Variants in SNX24 observed in about 807,000 individuals in gnomAD.
The protein encoded by SNX24 is sorting nexin 24.
A neutral mutation model predicts 28.7 loss-of-function variants in SNX24; 22 were observed. That is an observed-to-expected ratio of 0.77 (90% CI 0.55 to 1.10). The LOEUF is 1.10. SNX24 is among the 50% of genes least tolerant of loss of function. The probability of loss-of-function intolerance (pLI) is 0.00; values close to 1 mark genes in which losing one functional copy is unlikely to be tolerated. For missense variants in SNX24, 221 were observed against 201.1 expected, an observed-to-expected ratio of 1.10 and a Z score of -0.60; for synonymous variants, 69 against 71.5, an observed-to-expected ratio of 0.96 and a Z score of 0.18.
At chr5:122,915,872 T>C (rs892176930) in intron 1 of SNX24, among the ~76,000 whole-genome samples, 2 of 152,248 alleles carry the variant, frequency 1.3e-5, no homozygotes, top group Non-Finnish European at 2.9e-5. Context: ...ACCTTTCCTC[T>C]TTGTTTTGTC....
intron 3 of SNX24, among the ~76,000 whole-genome samples, chr5:122,988,292 A>G (rs193120954): frequency 6.6e-6 from 1 of 152,334 alleles, no homozygotes; most frequent in Admixed American, 6.5e-5. Context: ...AACCATAGGC[A>G]GGGAGGAGAA....
intron 4 of SNX24, 150 bp from the exon 5 acceptor site, chr5:123,001,255 T>C: frequency 1.5e-6 from 1 of 653,190 alleles, no homozygotes; most frequent in Non-Finnish European, 2.7e-6. Flanking sequence ...GGCATAGCCA[T>C]GCTGTGGCTC....
intron 4 of SNX24, among the ~76,000 whole-genome samples, chr5:123,000,415 C>T (rs1762208036): frequency 6.6e-6 from 1 of 152,204 alleles, no homozygotes; most frequent in African/African-American, 2.4e-5. Flanking sequence ...TGATTTGATG[C>T]AACTCCTCTC....
At chr5:122,862,551 G>A (rs1294743772) in intron 1 of SNX24, among the ~76,000 whole-genome samples, 2 of 148,132 alleles carry the variant, frequency 1.4e-5, no homozygotes, top group Non-Finnish European at 3.0e-5. Flanking sequence ...GCAGTGAGCC[G>A]AGATTGCGCC....
intron 3 of SNX24, among the ~76,000 whole-genome samples, chr5:122,991,498 C>T (rs920503648): frequency 7.9e-5 from 12 of 152,084 alleles, no homozygotes; most frequent in African/African-American, 2.9e-4. Flanking sequence ...CTCGCTCTGT[C>T]GCCCAGGCTG....
intron 1 of SNX24, among the ~76,000 whole-genome samples, chr5:122,931,501 T>C (rs1758955792): frequency 6.6e-6 from 1 of 152,194 alleles, no homozygotes. Flanking sequence ...ACAACCTTTT[T>C]TATTATCTTG....
chr5:122,951,266 C>CAAAAAAA (rs1445925286), intron 3 of SNX24, among the ~76,000 whole-genome samples: 10 of 47,970 alleles, frequency 2.1e-4, no homozygotes, highest in Middle Eastern at 0.011. Flanking sequence ...GACTCTGTCT[C>CAAAAAAA]AAAAAAAAAA....
intron 6 of SNX24, among the ~76,000 whole-genome samples, chr5:123,003,626 A>AGATATTTT (rs1459391045): frequency 6.6e-6 from 1 of 152,222 alleles, no homozygotes; most frequent in Non-Finnish European, 1.5e-5. Flanking sequence ...AGAAGAGGGA[A>AGATATTTT]GATATTTTAT....
At chr5:122,903,412 G>A (rs1034606221) in intron 1 of SNX24, among the ~76,000 whole-genome samples, 5 of 152,108 alleles carry the variant, frequency 3.3e-5, no homozygotes, top group African/African-American at 1.2e-4. Flanking sequence ...ACAGTGCCAC[G>A]CCTCCTCTGC....
intron 1 of SNX24, among the ~76,000 whole-genome samples, chr5:122,898,473 T>C (rs928575488): frequency 1.3e-5 from 2 of 152,230 alleles, no homozygotes; most frequent in Non-Finnish European, 2.9e-5. Context: ...GACAGTGCAG[T>C]GAGCCATGTG....
downstream of SNX24, among the ~76,000 whole-genome samples, chr5:123,012,261 T>G (rs1321007481): frequency 1.3e-5 from 2 of 152,194 alleles, no homozygotes; most frequent in African/African-American, 4.8e-5. Context: ...ATACATATAT[T>G]CATGTTCATA....
chr5:123,012,333 A>G (rs1762600054), downstream of SNX24, among the ~76,000 whole-genome samples: 1 of 152,258 alleles, frequency 6.6e-6, no homozygotes. Flanking sequence ...GGATGAATGG[A>G]TAAAAAGGAA....
intron 3 of SNX24, among the ~76,000 whole-genome samples, chr5:122,967,842 C>T (rs538584412): frequency 3.3e-5 from 5 of 152,162 alleles, no homozygotes; most frequent in African/African-American, 7.2e-5. Flanking sequence ...GATTAAACCA[C>T]GAGCTCACGT....
intron 3 of SNX24, among the ~76,000 whole-genome samples, chr5:122,969,680 C>T (rs1338285959): frequency 6.6e-6 from 1 of 152,120 alleles, no homozygotes; most frequent in Non-Finnish European, 1.5e-5. Flanking sequence ...GGAAAGACAT[C>T]AGAGCAGTGT....
intron 1 of SNX24, among the ~76,000 whole-genome samples, chr5:122,880,075 C>T (rs1453924654): frequency 6.6e-6 from 1 of 152,154 alleles, no homozygotes; most frequent in Non-Finnish European, 1.5e-5. Context: ...AAAACTGCTT[C>T]CTCCAACCTT....
chr5:122,933,341 G>T (rs748652930), intron 1 of SNX24, among the ~76,000 whole-genome samples: 1 of 152,184 alleles, frequency 6.6e-6, no homozygotes, highest in Non-Finnish European at 1.5e-5. Context: ...AATCTCACGT[G>T]CCGATTGGTT....
At chr5:122,981,133 A>G (rs999092315) in intron 3 of SNX24, among the ~76,000 whole-genome samples, 2 of 152,222 alleles carry the variant, frequency 1.3e-5, no homozygotes, top group African/African-American at 4.8e-5. Context: ...TTCATGCAAA[A>G]CATATGTTAT....
At chr5:122,940,287 C>T (rs1161328301) in intron 2 of SNX24, among the ~76,000 whole-genome samples, 2 of 152,100 alleles carry the variant, frequency 1.3e-5, no homozygotes, top group South Asian at 2.1e-4. Flanking sequence ...AGCCACCGCG[C>T]CCAGACTAAT....
chr5:122,909,424 C>T (rs1045465373), intron 1 of SNX24, among the ~76,000 whole-genome samples: 7 of 152,190 alleles, frequency 4.6e-5, no homozygotes, highest in Non-Finnish European at 8.8e-5. Context: ...AAAACCTTAC[C>T]GTAGGTCATG....
Sources: gnomAD v4.1 joint callset for allele counts (sites outside exome capture counted in the v4.1 genomes callset) on GRCh38, gnomAD v4.1.1 for gene constraint, MANE v1.5 for transcripts, NCBI Gene and HGNC (gene_info 2026-07-23, HGNC 2026-07-21) for gene names.